The following SORCS3 variants were observed in gnomAD, a reference collection of about 807,000 sequenced individuals.
SORCS3 encodes VPS10 domain-containing receptor SorCS3.
SORCS3 carries 57 observed loss-of-function variants against 146.3 expected under a neutral mutation model. That is an observed-to-expected ratio of 0.39 (90% CI 0.31 to 0.49). The LOEUF (loss-of-function observed/expected upper bound fraction) is 0.49. Ranked by LOEUF, SORCS3 falls within the 20% of genes least tolerant of loss-of-function variation. The pLI, the probability that SORCS3 is intolerant of heterozygous loss-of-function variation, is 0.92. For missense variants in SORCS3, 1,341 were observed against 1,575.5 expected (o/e 0.85, Z 2.52); for synonymous variants, 653 against 618.5 (o/e 1.06, Z -0.83).
intron 1 of SORCS3, among the ~76,000 whole-genome samples, chr10:104,746,582 A>G (rs752499037): frequency 2.0e-5 from 3 of 152,232 alleles, no homozygotes; most frequent in Non-Finnish European, 4.4e-5. Flanking sequence ...TATAGTCACC[A>G]TTCTGTATAA....
chr10:104,990,843 G>T (rs191369173), intron 4 of SORCS3, among the ~76,000 whole-genome samples: 15 of 152,288 alleles, frequency 9.8e-5, no homozygotes, highest in African/African-American at 3.6e-4. Flanking sequence ...CCTCCAGAAG[G>T]AATGCAGTCT....
chr10:105,256,206 C>T (rs1249930885), intron 24 of SORCS3, among the ~76,000 whole-genome samples: 1 of 152,184 alleles, frequency 6.6e-6, no homozygotes, highest in Admixed American at 6.5e-5. Context: ...AACTTTAAAA[C>T]TCCCTTCTAG....
intron 1 of SORCS3, among the ~76,000 whole-genome samples, chr10:104,766,124 C>T (rs1362078471): frequency 6.6e-6 from 1 of 152,198 alleles, no homozygotes. Context: ...CCCCAAATGA[C>T]CCAGGAAAAA....
chr10:104,909,350 T>G (rs1460508681), intron 2 of SORCS3, among the ~76,000 whole-genome samples: 1 of 152,064 alleles, frequency 6.6e-6, no homozygotes, highest in African/African-American at 2.4e-5. Flanking sequence ...TTGATAAATA[T>G]ATGCAAAGGA....
chr10:104,786,549 A>AAATAATAATAATAATAATAATAATAAT (rs10644058), intron 1 of SORCS3, among the ~76,000 whole-genome samples: 27 of 140,532 alleles, frequency 1.9e-4, no homozygotes, highest in South Asian at 7.1e-4. Flanking sequence ...ACTCCATCTA[A>AAATAATAATAATAATAATAATAATAAT]AATAATAATA....
At chr10:105,113,087 G>A (rs888629528) in intron 7 of SORCS3, among the ~76,000 whole-genome samples, 12 of 152,160 alleles carry the variant, frequency 7.9e-5, no homozygotes, top group African/African-American at 2.9e-4. Flanking sequence ...GAGCAACTCT[G>A]CTTTTGTTTG....
chr10:105,178,227 T>G, intron 14 of SORCS3, 54 bp downstream of exon 14: 1 of 1,410,682 alleles, frequency 7.1e-7, no homozygotes, highest in African/African-American at 1.4e-5. Flanking sequence ...TGGTTCTACT[T>G]TCATTGAGGC....
Position 104,894,260 on chromosome 10 carries a change from G to T in SORCS3, c.696-21573G>T, listed in dbSNP as rs576848708. Among the ~76,000 whole-genome samples, 7 of 152,296 alleles carry T rather than the reference G, an allele frequency of 4.6e-5. 1 individual carries two copies. In the South Asian group the frequency reaches 1.2e-3, roughly 27 times the overall value. On this transcript the variant is annotated intron_variant, in intron 2 of 26. Transcript: ENST00000369701. Reference sequence around the variant, plus strand: ...AAATAGTGTTAGAGGAGGGAAAAAGGCATTGCTCTTTTCAGTATTCTTCAT... The same window carrying T: ...AAATAGTGTTAGAGGAGGGAAAAAGTCATTGCTCTTTTCAGTATTCTTCAT...
At chr10:104,960,629 T>C (rs539816163) in intron 3 of SORCS3, among the ~76,000 whole-genome samples, 2 of 152,302 alleles carry the variant, frequency 1.3e-5, no homozygotes, top group South Asian at 2.1e-4. Context: ...GTGGATTTGA[T>C]ACATTAGTAA....
chr10:104,847,257 A>C (rs1288036516), intron 2 of SORCS3, among the ~76,000 whole-genome samples: 1 of 152,196 alleles, frequency 6.6e-6, no homozygotes, highest in Non-Finnish European at 1.5e-5. Context: ...CAATTAATCC[A>C]CTGCTCGAGG....
chr10:104,958,419 G>A (rs949082193), intron 3 of SORCS3, among the ~76,000 whole-genome samples: 7 of 152,172 alleles, frequency 4.6e-5, no homozygotes, highest in South Asian at 2.1e-4. Flanking sequence ...CAGTTATATG[G>A]CAAGAGGGAA....
chr10:104,802,210 A>T (rs554884444), intron 1 of SORCS3, among the ~76,000 whole-genome samples: 1 of 152,288 alleles, frequency 6.6e-6, no homozygotes, highest in South Asian at 2.1e-4. Flanking sequence ...AAGCCAAGAG[A>T]TGGGGAGACT....
At chr10:104,887,527 G>T (rs544880376) in intron 2 of SORCS3, among the ~76,000 whole-genome samples, 3 of 152,156 alleles carry the variant, frequency 2.0e-5, no homozygotes. Flanking sequence ...ACTTCCTCCT[G>T]GTGGCTTGTT....
chr10:104,823,730 A>C (rs574540110), intron 1 of SORCS3, among the ~76,000 whole-genome samples: 31 of 152,312 alleles, frequency 2.0e-4, no homozygotes, highest in Non-Finnish European at 4.4e-4. Context: ...TGGCCTCCCA[A>C]AGATACCCAT....
chr10:105,085,618 G>A (rs2055655045), intron 5 of SORCS3, among the ~76,000 whole-genome samples: 1 of 152,164 alleles, frequency 6.6e-6, no homozygotes, highest in Non-Finnish European at 1.5e-5. Context: ...CTAATTGATA[G>A]CTTAAGCAAA....
intron 8 of SORCS3, among the ~76,000 whole-genome samples, chr10:105,141,757 C>T (rs2056096765): frequency 6.6e-6 from 1 of 152,192 alleles, no homozygotes; most frequent in Non-Finnish European, 1.5e-5. Flanking sequence ...GAAAAGCACA[C>T]AGCAGCAGAG....
intron 7 of SORCS3, among the ~76,000 whole-genome samples, chr10:105,114,423 T>C (rs954602150): frequency 6.6e-6 from 1 of 152,182 alleles, no homozygotes; most frequent in Non-Finnish European, 1.5e-5. Flanking sequence ...CTAATGTCTT[T>C]GTTGCCTTAG....
At chr10:104,813,929 CTTTTTTT>C (rs35625517) in intron 1 of SORCS3, among the ~76,000 whole-genome samples, 7 of 116,158 alleles carry the variant, frequency 6.0e-5, no homozygotes, top group South Asian at 2.9e-4. Flanking sequence ...TCTTTTCTTT[CTTTTTTT>C]TTTTTTTTTT....
intron 2 of SORCS3, among the ~76,000 whole-genome samples, chr10:104,871,901 C>T (rs1426534222): frequency 6.6e-6 from 1 of 152,046 alleles, no homozygotes; most frequent in Admixed American, 6.6e-5. Context: ...CTCAGTTTTA[C>T]CCCTTTGCGT....
Sources: gnomAD v4.1 joint callset for allele counts (sites outside exome capture counted in the v4.1 genomes callset) on GRCh38, gnomAD v4.1.1 for gene constraint, MANE v1.5 for transcripts, NCBI Gene and HGNC (gene_info 2026-07-23, HGNC 2026-07-21) for gene names.